Variants in MLLT1 observed in about 807,000 individuals in gnomAD.
MLLT1 encodes the protein protein ENL.
A neutral mutation model predicts 55.1 loss-of-function variants in MLLT1; 11 were observed. The ratio of observed to expected loss-of-function variants is 0.20; its 90% CI spans 0.13 to 0.33. The LOEUF (loss-of-function observed/expected upper bound fraction) is 0.33, where lower values mean the gene tolerates loss of function less well. MLLT1 is among the 10% of genes least tolerant of loss of function. The probability of loss-of-function intolerance (pLI) is 1.00; values close to 1 mark genes in which losing one functional copy is unlikely to be tolerated. For missense variants in MLLT1, 536 were observed against 760.6 expected (o/e 0.70, Z 3.47); for synonymous variants, 323 against 320.1 (o/e 1.01, Z -0.10).
intron 3 of MLLT1, among the ~76,000 whole-genome samples, chr19:6,257,628 C>T (rs1568292970): frequency 2.6e-5 from 4 of 152,082 alleles, no homozygotes; most frequent in African/African-American, 9.7e-5. Flanking sequence ...TGGCGCAACC[C>T]CATCAGTACT....
chr19:6,223,878 C>T (rs1013196107), intron 5 of MLLT1, among the ~76,000 whole-genome samples: 1 of 152,176 alleles, frequency 6.6e-6, no homozygotes, highest in African/African-American at 2.4e-5. Context: ...AAAGGAGCAG[C>T]GGCCAGCAGG....
rs1424798333 is a variant in MLLT1, at chr19:6,235,881, C to T, written c.277-5168G>A. Among the ~76,000 whole-genome samples the T allele has an allele frequency of 6.6e-6, 1 of 152,110 alleles. No homozygotes were observed. Among genetic ancestry groups the T allele is most frequent in the Non-Finnish European group, 1.5e-5 (1 of 68,016 alleles). ...CCAGCTCACCCCTTCCTGACCCCCA[C>T]CCGCCCTTATCCCGGCCTGCTGCTG... On this transcript the variant is annotated intron_variant, in intron 3 of 11. Coordinates refer to ENST00000252674, the MANE Select transcript of MLLT1 (RefSeq NM_005934.4). This position sits in a 1 kb window ranked among gnomAD's most constrained non-coding sequence, Gnocchi z 5.5.
At position 6,212,396 on chromosome 19, in the gene MLLT1, C is replaced by T; in HGVS notation, c.*646G>A. 2 of 1,066,052 alleles carry T rather than the reference C, an allele frequency of 1.9e-6. No homozygotes were observed. The highest frequency in any genetic ancestry group is 2.3e-6 in the Non-Finnish European group (2 of 879,656). The allele number at this position is 1,066,052 out of a possible 1,614,324, so 66.0% of individuals were successfully genotyped here. On this transcript the variant is annotated 3_prime_UTR_variant, in exon 12 of 12. Coordinates refer to ENST00000252674, the MANE Select transcript of MLLT1 (RefSeq NM_005934.4). ...CCGCAGAGACATCTTAACCTACAAG[C>T]CCCACCGTACGCACCCCCCACCCAC...
At position 6,273,441 on chromosome 19, in the gene MLLT1, G is replaced by A. The variant is rs115188454; in HGVS notation, c.13-2682C>T. ...CGCACTCATAAACCCCCGGCGCTGC[G>A]GATTCATGAGGATCTCAGGTAAAAG... On this transcript the variant is annotated intron_variant, in intron 1 of 11. Coordinates refer to ENST00000252674, the MANE Select transcript of MLLT1 (RefSeq NM_005934.4). The surrounding 1 kb of genome is among the most constrained non-coding windows in gnomAD (Gnocchi z 4.3). 4.1e-3 allele frequency among the ~76,000 whole-genome samples: 622 copies of A among 152,260 alleles called. 3 individuals are homozygous for A. Among genetic ancestry groups the A allele is most frequent in the African/African-American group, 0.013 (541 of 41,544 alleles).
At chr19:6,224,487 C>A (rs369860329) in intron 5 of MLLT1, among the ~76,000 whole-genome samples, 2 of 152,238 alleles carry the variant, frequency 1.3e-5, no homozygotes, top group African/African-American at 4.8e-5. Context: ...AGGGGACACA[C>A]GCCCAGCTGG....
Position 6,227,217 on chromosome 19 carries a change from G to A in MLLT1, c.421-115C>T. 8.8e-7 allele frequency: 1 copy of A among 1,132,708 alleles called. No individual in the cohort carries two copies. Among genetic ancestry groups the A allele is most frequent in the Non-Finnish European group, 1.2e-6 (1 of 817,776 alleles). 70.2% of individuals were successfully genotyped at this position (1,132,708 alleles called of 1,614,324 possible). A position where few individuals can be genotyped will look rare whatever the true frequency, so the allele number is the denominator to read the frequency against. Reference sequence around the variant, plus strand: ...CAGGAGGGGAGAAGGGAGAGCCTGAGCGCTTTCCCGAAAGAATCCCAGGTG... The same window carrying A: ...CAGGAGGGGAGAAGGGAGAGCCTGAACGCTTTCCCGAAAGAATCCCAGGTG... On this transcript the variant is annotated intron_variant, in intron 4 of 11. Transcript: ENST00000252674. The surrounding 1 kb of genome is among the most constrained non-coding windows in gnomAD (Gnocchi z 5.1).
intron 6 of MLLT1, 43 bp from the exon 7 acceptor site, chr19:6,218,084 A>G (rs2090863136): frequency 6.4e-7 from 1 of 1,563,372 alleles, no homozygotes; most frequent in African/African-American, 1.4e-5. Flanking sequence ...AGAAAGGGAG[A>G]GCTGTCACCT....
chr19:6,257,889 G>A (rs1474437623), intron 3 of MLLT1, among the ~76,000 whole-genome samples: 6 of 152,166 alleles, frequency 3.9e-5, no homozygotes, highest in Admixed American at 3.9e-4. Flanking sequence ...GTGAAAAGAC[G>A]TGAAACATCA....
rs2144887103 is a variant in MLLT1, at chr19:6,235,472, A to G, written c.277-4759T>C. On this transcript the variant is annotated intron_variant, in intron 3 of 11. Coordinates refer to ENST00000252674, the MANE Select transcript of MLLT1 (RefSeq NM_005934.4). This position sits in a 1 kb window ranked among gnomAD's most constrained non-coding sequence, Gnocchi z 5.5. ...CCCCACAAAGCAGCCTGGGCTAAGA[A>G]GGGCACCTGGGGAGGCGCAGCCAGA... is the stretch of plus-strand genomic sequence containing the variant. 6.6e-6 allele frequency among the ~76,000 whole-genome samples: 1 copy of G among 152,314 alleles called. No homozygotes were observed. Among genetic ancestry groups the G allele is most frequent in the East Asian group, 1.9e-4 (1 of 5,190 alleles).
chr19:6,266,641 G>C lies in MLLT1; in HGVS notation c.193+3938C>G, dbSNP rs141500859. Among the ~76,000 whole-genome samples the C allele has an allele frequency of 3.4e-3, 525 of 152,236 alleles. 1 individual carries two copies. The highest frequency in any genetic ancestry group is 0.011 in the Admixed American group (173 of 15,292). ...TGGCTAACTTTTTGTAATTTTAGTA[G>C]AGATGGGGTTTCACCATGTTGGCCA... On this transcript the variant is annotated intron_variant, in intron 2 of 11. Coordinates refer to ENST00000252674, the MANE Select transcript of MLLT1 (RefSeq NM_005934.4).
chr19:6,250,143 A>C (rs1223293039), intron 3 of MLLT1, among the ~76,000 whole-genome samples: 2 of 152,234 alleles, frequency 1.3e-5, no homozygotes, highest in Non-Finnish European at 2.9e-5. Flanking sequence ...AATGGCCAAT[A>C]AGCACATGAA....
At chr19:6,265,747 G>A (rs748201461) in intron 2 of MLLT1, among the ~76,000 whole-genome samples, 10 of 152,244 alleles carry the variant, frequency 6.6e-5, no homozygotes, top group Non-Finnish European at 1.0e-4. Flanking sequence ...TTGGGAGGCT[G>A]CAGCAGGCGG....
chr19:6,254,085 G>A (rs535208904), intron 3 of MLLT1, among the ~76,000 whole-genome samples: 1 of 152,262 alleles, frequency 6.6e-6, no homozygotes, highest in Admixed American at 6.5e-5. Flanking sequence ...GGTTGCCAGG[G>A]GAACCAATCA....
chr19:6,234,322 T>C (rs1600187768), intron 3 of MLLT1, among the ~76,000 whole-genome samples: 1 of 151,220 alleles, frequency 6.6e-6, no homozygotes, highest in African/African-American at 2.4e-5. Flanking sequence ...TGTCCGGAGG[T>C]GGAGGAGGGT....
chr19:6,263,964 C>T (rs2091326373), intron 2 of MLLT1, among the ~76,000 whole-genome samples: 2 of 151,740 alleles, frequency 1.3e-5, no homozygotes, highest in South Asian at 2.1e-4. Flanking sequence ...AGCAGGGGAG[C>T]GACTGCCACT....
intron 3 of MLLT1, among the ~76,000 whole-genome samples, chr19:6,249,215 T>C (rs2091194612): frequency 6.6e-6 from 1 of 152,244 alleles, no homozygotes; most frequent in Non-Finnish European, 1.5e-5. Flanking sequence ...AATAATGTTT[T>C]AGATACACTG....
chr19:6,236,965 C>G (rs2091068043), intron 3 of MLLT1, among the ~76,000 whole-genome samples: 1 of 152,260 alleles, frequency 6.6e-6, no homozygotes, highest in Non-Finnish European at 1.5e-5. Context: ...CTCCCCACTC[C>G]CAGGCTGCTG....
Position 6,213,766 on chromosome 19 carries a change from C to T in MLLT1, c.1439G>A (p.Ser480Asn). The change falls in exon 10 of 12, where the codon AGC becomes AAC. Residue 480 changes from serine (S) to asparagine (N), a missense_variant. This residue lies in a region of MLLT1 where 449 missense variants were observed against 489.0 expected (regional missense o/e 0.92). Transcript: ENST00000252674. The stretch of plus-strand genomic sequence containing the variant: ...CTTCTTGAGGATCTTCTCAGGCTTG[C>T]TGCAGGACTCGGGGCTCCTCCGGCC... ...VSGRRSPESC[S>N]KPEKILKKGT... 2 of 1,610,564 alleles carry T rather than the reference C, an allele frequency of 1.2e-6. No homozygotes were observed. Among genetic ancestry groups the T allele is most frequent in the East Asian group, 2.2e-5 (1 of 44,554 alleles).
At chr19:6,225,269 C>A (rs2090944553) in intron 5 of MLLT1, among the ~76,000 whole-genome samples, 1 of 152,244 alleles carries the variant, frequency 6.6e-6, no homozygotes, top group Admixed American at 6.5e-5. Context: ...GCTGCACTCA[C>A]CAGCAGTCCC....
Sources: allele counts gnomAD v4.1 joint callset (sites outside exome capture counted in the v4.1 genomes callset), GRCh38; gene constraint gnomAD v4.1.1; regional missense constraint gnomAD v4.1.1; non-coding constraint Gnocchi (gnomAD v3.1); transcripts MANE v1.5; gene names NCBI Gene and HGNC (gene_info 2026-07-23, HGNC 2026-07-21).